TENM2: variants seen among roughly 807,000 people sequenced by gnomAD.
The protein encoded by TENM2 is teneurin-2.
In TENM2, 52 loss-of-function variants were observed where a neutral mutation model predicts 245.2. The ratio of observed to expected loss-of-function variants is 0.21; its 90% confidence interval spans 0.17 to 0.27. The LOEUF (loss-of-function observed/expected upper bound fraction) is 0.27. Among genes scored for constraint, TENM2 ranks in the 10% least tolerant of loss-of-function variants. The pLI is 1.00. For synonymous variants in TENM2, 1,363 were observed against 1,438.9 expected (o/e 0.95, Z 1.19); for missense variants, 3,046 against 3,666.8 (o/e 0.83, Z 4.37).
chr5:167,142,949 T>C, the TENM2 span, among the ~76,000 whole-genome samples: 13 of 152,304 alleles, frequency 8.5e-5, no homozygotes, highest in East Asian at 2.3e-3. Flanking sequence ...TGCGGGAACA[T>C]TGAGTTTGGC....
intron 2 of TENM2, among the ~76,000 whole-genome samples, chr5:167,567,457 T>C (rs766874593): frequency 3.3e-5 from 5 of 152,130 alleles, no homozygotes; most frequent in Non-Finnish European, 5.9e-5. Context: ...GATTGTATAA[T>C]TGGGCCTGAA....
intron 2 of TENM2, among the ~76,000 whole-genome samples, chr5:167,402,595 T>C (rs1368987420): frequency 6.6e-6 from 1 of 152,126 alleles, no homozygotes; most frequent in Non-Finnish European, 1.5e-5. Flanking sequence ...TTGGCTGAAG[T>C]GTAGATTCTC....
chr5:167,474,929 T>C lies in TENM2; in HGVS notation c.502+99456T>C, dbSNP rs151276934. Among the ~76,000 whole-genome samples the C allele has an allele frequency of 4.9e-4, 74 of 152,344 alleles. 2 individuals are homozygous for C. In the East Asian group the frequency reaches 0.013, roughly 27 times the overall value. On this transcript the variant is annotated intron_variant, in intron 2 of 28. Transcript: ENST00000518659. ...AATTTTGCCTTTCTTCATTTTTATTTACTGATTTCGGTTTAATCAGTGAAC... is the reference window on the plus strand; with the variant it reads ...AATTTTGCCTTTCTTCATTTTTATTCACTGATTTCGGTTTAATCAGTGAAC...
chr5:168,139,263 A>G (rs962558812), intron 12 of TENM2, among the ~76,000 whole-genome samples: 58 of 152,150 alleles, frequency 3.8e-4, no homozygotes, highest in African/African-American at 1.4e-3. Flanking sequence ...GAAGGTGGCA[A>G]CTCATTAAAA....
intron 23 of TENM2, among the ~76,000 whole-genome samples, chr5:168,224,446 T>C (rs1210564631): frequency 6.6e-6 from 1 of 152,196 alleles, no homozygotes; most frequent in Non-Finnish European, 1.5e-5. Context: ...TTCTAGTTCT[T>C]CCCAGAAGCA....
the TENM2 span, among the ~76,000 whole-genome samples, chr5:167,004,064 G>A: frequency 7.2e-5 from 11 of 152,128 alleles, no homozygotes; most frequent in African/African-American, 2.7e-4. Context: ...GATTAGAAAT[G>A]CAGAATAATG....
chr5:167,062,294 A>G, the TENM2 span, among the ~76,000 whole-genome samples: 4 of 152,144 alleles, frequency 2.6e-5, no homozygotes, highest in South Asian at 6.2e-4. Context: ...CTGAAGGCTA[A>G]TAGGGTATTT....
At chr5:167,246,528 GTAT>G in the TENM2 span, among the ~76,000 whole-genome samples, 1 of 151,846 alleles carries the variant, frequency 6.6e-6, no homozygotes, top group South Asian at 2.1e-4. Flanking sequence ...TATTTCTATA[GTAT>G]TATATTAAAT....
intron 1 of TENM2, among the ~76,000 whole-genome samples, chr5:167,355,839 A>C (rs903938393): frequency 6.6e-6 from 1 of 151,852 alleles, no homozygotes; most frequent in African/African-American, 2.4e-5. Flanking sequence ...CATTTTAAAA[A>C]AGAAGCAATC....
chr5:167,882,097 C>T (rs1413382217), intron 3 of TENM2, among the ~76,000 whole-genome samples: 7 of 152,212 alleles, frequency 4.6e-5, no homozygotes, highest in African/African-American at 7.2e-5. Flanking sequence ...CCTCTGTTAA[C>T]TGTTAACCTC....
the TENM2 span, among the ~76,000 whole-genome samples, chr5:167,136,851 T>C: frequency 6.6e-6 from 1 of 152,168 alleles, no homozygotes; most frequent in South Asian, 2.1e-4. Context: ...GTGTTGAATA[T>C]TTTATATGTT....
At chr5:168,216,182 TAGA>T (rs1763177856) in intron 21 of TENM2, among the ~76,000 whole-genome samples, 1 of 152,044 alleles carries the variant, frequency 6.6e-6, no homozygotes, top group African/African-American at 2.4e-5. Context: ...ACAAAATAAA[TAGA>T]AGCCATATCT....
At chr5:167,687,315 A>G (rs1470684050) in intron 2 of TENM2, among the ~76,000 whole-genome samples, 1 of 152,190 alleles carries the variant, frequency 6.6e-6, no homozygotes, top group Non-Finnish European at 1.5e-5. Context: ...GTAATTGTCA[A>G]TATGTATTTT....
At chr5:166,998,157 C>G in the TENM2 span, among the ~76,000 whole-genome samples, 1 of 151,988 alleles carries the variant, frequency 6.6e-6, no homozygotes, top group African/African-American at 2.4e-5. Flanking sequence ...ATGCAAAAGC[C>G]TGAGGTGGGA....
chr5:168,262,022 G>T lies in TENM2; in HGVS notation c.7564-27G>T, dbSNP rs750241169. On this transcript the variant is annotated intron_variant, in intron 28 of 28. Transcript: ENST00000518659. ...GAGAGCTGCCCAGCTCATCTTCTCA[G>T]CTTTCTCTGTTTTCTTATCCCCACA... The T allele has an allele frequency of 3.7e-6, 6 of 1,602,488 alleles. No homozygotes were observed. In the South Asian group the frequency reaches 6.7e-5, roughly 18 times the overall value.
intron 13 of TENM2, among the ~76,000 whole-genome samples, chr5:168,170,110 A>T (rs1296963014): frequency 1.3e-5 from 2 of 152,226 alleles, no homozygotes; most frequent in East Asian, 3.9e-4. Context: ...AGTTGAAATA[A>T]GATCTTTGAC....
At chr5:167,821,977 T>C (rs894296665) in intron 2 of TENM2, among the ~76,000 whole-genome samples, 1 of 152,184 alleles carries the variant, frequency 6.6e-6, no homozygotes, top group African/African-American at 2.4e-5. Flanking sequence ...GGAAAAGTTT[T>C]ATCTTCATGG....
intron 2 of TENM2, among the ~76,000 whole-genome samples, chr5:167,489,999 A>G (rs1768326491): frequency 6.6e-6 from 1 of 152,190 alleles, no homozygotes; most frequent in South Asian, 2.1e-4. Context: ...CTACATAAAT[A>G]TCCACCTACA....
chr5:167,887,290 A>C (rs1301745648), intron 3 of TENM2, among the ~76,000 whole-genome samples: 1 of 152,240 alleles, frequency 6.6e-6, no homozygotes, highest in East Asian at 1.9e-4. Context: ...GACAAGGGTC[A>C]TTTCTTTGGT....
Sources: allele counts gnomAD v4.1 joint callset (sites outside exome capture counted in the v4.1 genomes callset), GRCh38; gene constraint gnomAD v4.1.1; transcripts MANE v1.5; gene names NCBI Gene and HGNC (gene_info 2026-07-23, HGNC 2026-07-21).